The following FRMPD3 variants were observed in gnomAD, a reference collection of about 807,000 sequenced individuals.
The protein encoded by FRMPD3 is FERM and PDZ domain-containing protein 3.
Under a neutral mutation model 97.9 loss-of-function variants are expected in FRMPD3, and 42 were observed. The ratio of observed to expected loss-of-function variants is 0.43; its 90% CI spans 0.34 to 0.55. The LOEUF is 0.55. FRMPD3 is among the 20% of genes least tolerant of loss of function. The probability of loss-of-function intolerance (pLI) is 0.03; values close to 1 mark genes in which losing one functional copy is unlikely to be tolerated. For synonymous variants in FRMPD3, 577 were observed against 581.1 expected, an observed-to-expected ratio of 0.99 and a Z score of 0.10; for missense variants, 1,303 against 1,457.7, an observed-to-expected ratio of 0.89 and a Z score of 1.73.
chrX:107,602,732 C>T lies in FRMPD3; in HGVS notation c.4693C>T (p.Leu1565Phe). The T allele has an allele frequency of 1.7e-6, 2 of 1,209,488 alleles. No homozygotes were observed. The highest frequency in any genetic ancestry group is 2.2e-6 in the Non-Finnish European group (2 of 895,131). ...PEASRTQEIDLRVSTFEGSLA... is the reference protein window; with the variant it reads ...PEASRTQEIDFRVSTFEGSLA... ...GGCCTCCCGCACTCAGGAGATTGACCTCCGTGTGTCCACCTTCGAGGGGAG... is the reference window on the plus strand; with the variant it reads ...GGCCTCCCGCACTCAGGAGATTGACTTCCGTGTGTCCACCTTCGAGGGGAG... Residue 1565 changes from leucine (L) to phenylalanine (F), a missense_variant, in exon 15 of 15, where the codon CTC (leucine) becomes TTC (phenylalanine). Transcript: ENST00000683843.
intron 3 of FRMPD3, among the ~76,000 whole-genome samples, chrX:107,530,994 C>G (rs1216901090): frequency 9.0e-6 from 1 of 110,698 alleles, no homozygotes; most frequent in African/African-American, 3.3e-5. Context: ...TGTTTGTGTC[C>G]CCTAAATGCC....
chrX:107,473,764 G>A (rs1282176785), intron 1 of FRMPD3, among the ~76,000 whole-genome samples: 1 of 112,670 alleles, frequency 8.9e-6, no homozygotes, highest in Non-Finnish European at 1.9e-5. Flanking sequence ...AGGTGTGGGT[G>A]TGTGTATTTG....
At chrX:107,551,179 T>C (rs2147582032) in intron 6 of FRMPD3, among the ~76,000 whole-genome samples, 1 of 111,837 alleles carries the variant, frequency 8.9e-6, no homozygotes, top group East Asian at 2.8e-4. Context: ...ATGCTAAGTA[T>C]TCTGCAGGGA....
At position 107,602,055 on chromosome X, in the gene FRMPD3, C is replaced by G. The variant is rs1206686714; in HGVS notation, c.4016C>G (p.Pro1339Arg). The change falls in exon 15 of 15, where the codon CCA becomes CGA. Residue 1339 changes from proline to arginine, a missense_variant. Transcript: ENST00000683843. ...AGCCAGAGGCAGCCAGAGGCTGGCC[C>G]AGGCGTGAGCCTCAGCAGCCCCATC... ...LPSQRQPEAG[P>R]GVSLSSPINV... The G allele has an allele frequency of 8.4e-7, 1 of 1,193,397 alleles. No homozygotes were observed. The highest frequency in any genetic ancestry group is 1.9e-5 in the South Asian group (1 of 53,555).
At chrX:107,451,937 G>C (rs923086373) in intron 1 of FRMPD3, among the ~76,000 whole-genome samples, 2 of 111,584 alleles carry the variant, frequency 1.8e-5, no homozygotes, top group African/African-American at 3.3e-5. Context: ...CCTCCCGTCG[G>C]CTGCTCAGGG....
At chrX:107,478,751 G>A (rs1921264088) in intron 1 of FRMPD3, among the ~76,000 whole-genome samples, 2 of 112,347 alleles carry the variant, frequency 1.8e-5, no homozygotes, top group African/African-American at 6.5e-5. Context: ...TAAGATGGCT[G>A]GGTAAAAAGC....
At chrX:107,474,672 G>A (rs1211974779) in intron 1 of FRMPD3, among the ~76,000 whole-genome samples, 1 of 111,472 alleles carries the variant, frequency 9.0e-6, no homozygotes, top group African/African-American at 3.3e-5. Flanking sequence ...AATAGCTTGT[G>A]GGGGTGAGTG....
chrX:107,519,347 A>G (rs1290566864), intron 1 of FRMPD3, among the ~76,000 whole-genome samples: 1 of 110,649 alleles, frequency 9.0e-6, no homozygotes, highest in Non-Finnish European at 1.9e-5. Flanking sequence ...AAATATAAAA[A>G]ATAGTCAGGC....
In FRMPD3 at chrX:107,533,485, A is replaced by C; in HGVS notation, c.252-20A>C. 3 of 1,191,680 alleles carry C rather than the reference A, an allele frequency of 2.5e-6. No homozygotes were observed. Among genetic ancestry groups the C allele is most frequent in the Non-Finnish European group, 3.4e-6 (3 of 879,093 alleles). On this transcript the variant is annotated intron_variant, in intron 3 of 14. Coordinates refer to ENST00000683843, the MANE Select transcript of FRMPD3 (RefSeq NM_001388459.1). ...CTAGTGCATGATACACTACTCTCCT[A>C]TTCCCTCTTTTCTCTGTAGGAGCGC...
chrX:107,515,995 A>C (rs1347437964), intron 1 of FRMPD3, among the ~76,000 whole-genome samples: 1 of 106,861 alleles, frequency 9.4e-6, no homozygotes, highest in African/African-American at 3.4e-5. Flanking sequence ...ATTTAACGTT[A>C]GGTATATCTC....
At chrX:107,464,361 T>G (rs891262977) in intron 1 of FRMPD3, among the ~76,000 whole-genome samples, 11 of 104,448 alleles carry the variant, frequency 1.1e-4, no homozygotes, top group East Asian at 2.9e-4. Flanking sequence ...ATTTATTTTG[T>G]TTTTTTTTGC....
intron 3 of FRMPD3, among the ~76,000 whole-genome samples, chrX:107,532,257 G>A (rs1056362801): frequency 1.8e-5 from 2 of 112,781 alleles, no homozygotes; most frequent in African/African-American, 6.4e-5. Flanking sequence ...CATTGAAAAG[G>A]TGACATTTGA....
At chrX:107,524,521 A>G (rs1476421530) in intron 1 of FRMPD3, among the ~76,000 whole-genome samples, 1 of 112,343 alleles carries the variant, frequency 8.9e-6, no homozygotes, top group Admixed American at 9.4e-5. Flanking sequence ...AGACAACTTC[A>G]GAGTTCTTTG....
At chrX:107,481,699 C>T (rs1291214384) in intron 1 of FRMPD3, among the ~76,000 whole-genome samples, 1 of 111,741 alleles carries the variant, frequency 8.9e-6, no homozygotes, top group East Asian at 2.8e-4. Context: ...TTGGTGAGCC[C>T]TCACCTCAAC....
chrX:107,453,531 C>A (rs1459474224), intron 1 of FRMPD3, among the ~76,000 whole-genome samples: 1 of 111,584 alleles, frequency 9.0e-6, no homozygotes, highest in Non-Finnish European at 1.9e-5. Flanking sequence ...TCAAGGACTT[C>A]TATTTTCCTT....
chrX:107,463,240 G>A (rs1931506681), intron 1 of FRMPD3, among the ~76,000 whole-genome samples: 2 of 112,598 alleles, frequency 1.8e-5, no homozygotes, highest in African/African-American at 3.2e-5. Flanking sequence ...TTACCATTTT[G>A]TGTATTTCAT....
chrX:107,560,703 C>A, intron 9 of FRMPD3, 24 bp from the exon 10 acceptor site: 1 of 1,156,568 alleles, frequency 8.6e-7, no homozygotes, highest in Non-Finnish European at 1.2e-6. Flanking sequence ...TCTCACTAAT[C>A]TCTTACTTTT....
intron 1 of FRMPD3, among the ~76,000 whole-genome samples, chrX:107,516,186 C>T (rs1387215581): frequency 9.1e-6 from 1 of 109,678 alleles, no homozygotes; most frequent in African/African-American, 3.3e-5. Context: ...TCATCCATGT[C>T]CCTACAAAGG....
At position 107,597,769 on chromosome X, in the gene FRMPD3, GC is replaced by G; in HGVS notation, c.1892del (p.Pro631LeufsTer8). ...EQLGPRKGGK[P>X]GSSRDNIVDL... ...AGCTGGGCCCTCGCAAAGGTGGGAA[GC>G]CTGGCTCCTCTCGTGACAATATAGT... On this transcript the variant is annotated frameshift_variant, in exon 14 of 15. Coordinates refer to ENST00000683843, the MANE Select transcript of FRMPD3 (RefSeq NM_001388459.1). LOFTEE classifies it high-confidence loss of function. 1 of 1,189,222 alleles carries G rather than the reference GC, an allele frequency of 8.4e-7. No homozygotes were observed. The highest frequency in any genetic ancestry group is 1.1e-6 in the Non-Finnish European group (1 of 884,482).
Sources: gnomAD v4.1 joint callset for allele counts (sites outside exome capture counted in the v4.1 genomes callset) on GRCh38, gnomAD v4.1.1 for gene constraint, MANE v1.5 for transcripts, NCBI Gene and HGNC (gene_info 2026-07-23, HGNC 2026-07-21) for gene names.